The following SPAG9 variants were observed in gnomAD, a reference collection of about 807,000 sequenced individuals.
The protein encoded by SPAG9 is sperm associated antigen 9, also known as C-Jun-amino-terminal kinase-interacting protein 4.
Under a neutral mutation model 166.5 loss-of-function variants are expected in SPAG9, and 35 were observed. The observed-to-expected ratio is 0.21, with a 90% CI of 0.16 to 0.28. SPAG9 has a LOEUF of 0.28. Ranked by LOEUF, SPAG9 falls within the 10% of genes least tolerant of loss-of-function variation. The pLI is 1.00. For missense variants in SPAG9, 1,235 were observed against 1,603.3 expected, an observed-to-expected ratio of 0.77 and a Z score of 3.92; for synonymous variants, 534 against 565.5, an observed-to-expected ratio of 0.94 and a Z score of 0.79.
intron 12 of SPAG9, among the ~76,000 whole-genome samples, chr17:51,004,911 C>T (rs575704414): frequency 3.9e-5 from 6 of 151,992 alleles, no homozygotes; most frequent in South Asian, 2.1e-4. Context: ...AAATTTGAAA[C>T]GAAACAACAA....
rs763881150 is a variant in SPAG9 at position 51,041,562 on chromosome 17, G to A, written c.680C>T (p.Pro227Leu). 47 of 1,613,810 alleles carry A rather than the reference G, an allele frequency of 2.9e-5. No homozygotes were observed. The East Asian group carries it at 1.0e-3, about 35-fold the overall frequency. ...CTGAAATTTCCATTGCTCAGATCCAGGGGTCTCTCCTCCTTTCTGAGCATC... is the reference window on the plus strand; with the variant it reads ...CTGAAATTTCCATTGCTCAGATCCAAGGGTCTCTCCTCCTTTCTGAGCATC... ...TPDAQKGGET[P>L]GSEQWKFQEL... The change falls in exon 5 of 30, where the codon CCT becomes CTT. Residue 227 changes from proline (P) to leucine (L), a missense_variant. Physicochemically the swap from Pro to Leu is moderately conservative, Grantham distance 98. Transcript: ENST00000262013.
intron 3 of SPAG9, among the ~76,000 whole-genome samples, chr17:51,056,151 G>A (rs2047357070): frequency 6.6e-6 from 1 of 152,068 alleles, no homozygotes; most frequent in Non-Finnish European, 1.5e-5. Flanking sequence ...GCCAGCCAAG[G>A]AGAGAAGTAC....
intron 2 of SPAG9, among the ~76,000 whole-genome samples, chr17:51,072,205 GGGATTACAGGCATGCGCCACCACACCT>G (rs75845447): frequency 0.18 from 27,523 of 151,496 alleles, 2,985 homozygotes; most frequent in Non-Finnish European, 0.25. Flanking sequence ...CCAAGTAGGT[GGGATTACAGGCATGCGCCACCACACCT>G]GGCTAATTTT....
chr17:50,966,490 AAAC>A, intron 29 of SPAG9, 103 bp from the exon 30 acceptor site: 1 of 753,960 alleles, frequency 1.3e-6, no homozygotes, highest in South Asian at 1.4e-5. Context: ...AAGATGCCCA[AAAC>A]TTGTCTGACT....
chr17:51,031,999 C>T (rs1202248428), intron 5 of SPAG9: 2 of 543,414 alleles, frequency 3.7e-6, no homozygotes, highest in African/African-American at 3.8e-5. Context: ...TCTACTTACA[C>T]CACTTTATGA....
intron 1 of SPAG9, among the ~76,000 whole-genome samples, chr17:51,087,714 GTTTAA>G (rs369155159): frequency 6.6e-6 from 1 of 152,034 alleles, no homozygotes; most frequent in Admixed American, 6.6e-5. Context: ...CTTCTTTATT[GTTTAA>G]TTTAATTTTT....
Position 50,966,072 on chromosome 17 carries a change from T to G in SPAG9, c.*200A>C, listed in dbSNP as rs1973344452. 1 of 555,186 alleles carries G rather than the reference T, an allele frequency of 1.8e-6. No individual in the cohort carries two copies. The highest frequency in any genetic ancestry group is 3.0e-5 in the Admixed American group (1 of 33,022). 34.4% of individuals were successfully genotyped at this position (555,186 alleles called of 1,614,324 possible). A position where few individuals can be genotyped will look rare whatever the true frequency, so the allele number is the denominator to read the frequency against. The stretch of plus-strand genomic sequence containing the variant: ...GTTCATAATATACTGAAGTTACCTA[T>G]AACACTGGTGCAGTAACACAGCTAG... On this transcript the variant is annotated 3_prime_UTR_variant, in exon 30 of 30. Coordinates refer to ENST00000262013, the MANE Select transcript of SPAG9 (RefSeq NM_001130528.3).
chr17:51,011,725 A>C (rs2045493751), intron 9 of SPAG9, among the ~76,000 whole-genome samples: 1 of 152,202 alleles, frequency 6.6e-6, no homozygotes, highest in Admixed American at 6.5e-5. Flanking sequence ...AATATTCATA[A>C]GTAACTAAAC....
At chr17:51,039,201 T>C (rs1202490522) in intron 5 of SPAG9, among the ~76,000 whole-genome samples, 3 of 152,198 alleles carry the variant, frequency 2.0e-5, no homozygotes, top group Non-Finnish European at 4.4e-5. Context: ...AGTCAAAACA[T>C]GCCCTAAGAT....
At chr17:51,105,057 C>A (rs987562618) in intron 1 of SPAG9, among the ~76,000 whole-genome samples, 2 of 151,992 alleles carry the variant, frequency 1.3e-5, no homozygotes, top group Non-Finnish European at 2.9e-5. Flanking sequence ...GATCACGCCA[C>A]TGCACTCCAG....
In SPAG9 at chr17:51,064,037, T is replaced by C. The variant is rs181006812; in HGVS notation, c.425-7555A>G. Among the ~76,000 whole-genome samples the C allele has an allele frequency of 1.6e-3, 237 of 152,334 alleles. 1 individual carries two copies. The highest frequency in any genetic ancestry group is 5.4e-3 in the African/African-American group (226 of 41,572). On this transcript the variant is annotated intron_variant, in intron 2 of 29. Transcript: ENST00000262013. ...GTATTATCCTCTAGCATAAGTATCA[T>C]ATCCACTTCCATCTTCCTCTCCACT...
chr17:51,000,852 G>A (rs370524138), intron 13 of SPAG9, among the ~76,000 whole-genome samples: 9 of 152,036 alleles, frequency 5.9e-5, no homozygotes, highest in African/African-American at 2.2e-4. Flanking sequence ...ACTAAATACT[G>A]CAGTTAAGAA....
chr17:51,095,296 T>TAAAA (rs71149343), intron 1 of SPAG9, among the ~76,000 whole-genome samples: 3 of 83,518 alleles, frequency 3.6e-5, no homozygotes, highest in African/African-American at 1.3e-4. Flanking sequence ...ACTCCATCTT[T>TAAAA]AAAAAAAAAA....
At chr17:51,039,049 C>G (rs529203939) in intron 5 of SPAG9, among the ~76,000 whole-genome samples, 7 of 152,226 alleles carry the variant, frequency 4.6e-5, no homozygotes, top group African/African-American at 1.4e-4. Context: ...CTGGCAAATC[C>G]CCTTATCTGC....
Position 51,041,642 on chromosome 17 carries a change from G to A in SPAG9, c.600C>T (p.Arg200=). ...STAHSRIRKE[R]PISLGIFPLP... is the part of the protein sequence containing the mutation. ...ATGGGAAAATTCCTAATGATATAGG[G>A]CGTTCTTTTCTATTTGAAGAGGGGA... The change falls in exon 5 of 30, where the codon CGC becomes CGT. Residue 200 remains arginine (R), a synonymous_variant. Coordinates refer to ENST00000262013, the MANE Select transcript of SPAG9 (RefSeq NM_001130528.3). 4 of 1,610,036 alleles carry A rather than the reference G, an allele frequency of 2.5e-6. No homozygotes were observed. Among genetic ancestry groups the A allele is most frequent in the Non-Finnish European group, 3.4e-6 (4 of 1,178,828 alleles).
intron 1 of SPAG9, among the ~76,000 whole-genome samples, chr17:51,096,696 TAC>T (rs2048657988): frequency 6.6e-6 from 1 of 152,072 alleles, no homozygotes; most frequent in South Asian, 2.1e-4. Flanking sequence ...ATCGATGGAA[TAC>T]ACAGCAGTTA....
chr17:51,099,918 G>C (rs960792840), intron 1 of SPAG9, among the ~76,000 whole-genome samples: 7 of 151,678 alleles, frequency 4.6e-5, no homozygotes, highest in African/African-American at 1.7e-4. Flanking sequence ...TGGCCAAAAA[G>C]ACAAAACCTT....
chr17:50,975,983 G>T, intron 27 of SPAG9: 1 of 1,065,984 alleles, frequency 9.4e-7, no homozygotes, highest in Non-Finnish European at 1.4e-6. Flanking sequence ...CACTCTCAGC[G>T]TCTTCTATCT....
chr17:51,047,702 C>CAA (rs763552367), intron 3 of SPAG9, among the ~76,000 whole-genome samples: 29 of 74,386 alleles, frequency 3.9e-4, no homozygotes, highest in East Asian at 6.9e-4. Flanking sequence ...CTTAGGATGG[C>CAA]AAAAAAAAAA....
Sources: gnomAD v4.1 joint callset for allele counts (sites outside exome capture counted in the v4.1 genomes callset) on GRCh38, gnomAD v4.1.1 for gene constraint, MANE v1.5 for transcripts, NCBI Gene and HGNC (gene_info 2026-07-23, HGNC 2026-07-21) for gene names.